The following ADAMTS14 variants were observed in gnomAD, a reference collection of about 807,000 sequenced individuals.
ADAMTS14 encodes ADAM metallopeptidase with thrombospondin type 1 motif 14.
Under a neutral mutation model 128.6 loss-of-function variants are expected in ADAMTS14, and 100 were observed. That is an observed-to-expected ratio of 0.78 (90% CI 0.66 to 0.92). The LOEUF (loss-of-function observed/expected upper bound fraction) is 0.92. Ranked by LOEUF, ADAMTS14 falls within the 40% of genes least tolerant of loss-of-function variation. The pLI, the probability that ADAMTS14 is intolerant of heterozygous loss-of-function variation, is 0.00. For missense variants in ADAMTS14, 1,562 were observed against 1,658.6 expected (o/e 0.94, Z 1.01); for synonymous variants, 665 against 653.8 (o/e 1.02, Z -0.26).
At chr10:70,686,274 C>CT (rs5785998) in intron 2 of ADAMTS14, among the ~76,000 whole-genome samples, 69,042 of 125,174 alleles carry the variant, frequency 0.55, 19,098 homozygotes, top group East Asian at 0.77. Flanking sequence ...TCAGCCTTTG[C>CT]TTTTTTTTTT....
chr10:70,716,519 C>T (rs866472366), intron 4 of ADAMTS14, among the ~76,000 whole-genome samples: 11 of 152,162 alleles, frequency 7.2e-5, no homozygotes, highest in South Asian at 6.2e-4. Flanking sequence ...AGATGGGGAC[C>T]GACAGTCTGC....
chr10:70,726,262 C>T (rs150465231), intron 4 of ADAMTS14, among the ~76,000 whole-genome samples: 317 of 152,362 alleles, frequency 2.1e-3, no homozygotes, highest in African/African-American at 7.2e-3. Flanking sequence ...GAGATGGCAG[C>T]TGTTGGAGCA....
At chr10:70,745,140 G>T in intron 14 of ADAMTS14, 86 bp from the exon 15 acceptor site, 1 of 1,231,958 alleles carries the variant, frequency 8.1e-7, no homozygotes. Context: ...GATGTTCCTG[G>T]GTGCCCAGTG....
At chr10:70,683,979 G>A (rs1487759060) in intron 2 of ADAMTS14, among the ~76,000 whole-genome samples, 1 of 152,154 alleles carries the variant, frequency 6.6e-6, no homozygotes, top group Admixed American at 6.5e-5. Flanking sequence ...AAATAACTGA[G>A]GCTGGGTAAT....
chr10:70,702,315 G>A lies in ADAMTS14; in HGVS notation c.526G>A (p.Gly176Ser). ...CTGCTTGCCGTCCCTGGTTCAGGCGGGCCTCATCCGCACAGACAGCACCGA... is the reference window on the plus strand; with the variant it reads ...CTGCTTGCCGTCCCTGGTTCAGGCGAGCCTCATCCGCACAGACAGCACCGA... ...VAISNCDGLAGLIRTDSTDFF... is the reference protein window; with the variant it reads ...VAISNCDGLASLIRTDSTDFF... Residue 176 changes from glycine to serine, a missense_variant, in exon 3 of 22, where the codon GGC becomes AGC. Physicochemically the swap from Gly to Ser is moderately conservative, Grantham distance 56. Transcript: ENST00000373207. The A allele has an allele frequency of 6.2e-7, 1 of 1,614,148 alleles. No individual in the cohort carries two copies. The highest frequency in any genetic ancestry group is 2.2e-5 in the East Asian group (1 of 44,884).
chr10:70,744,120 G>T lies in ADAMTS14; in HGVS notation c.2113G>T (p.Val705Phe), dbSNP rs1371107367. 1.3e-6 allele frequency: 2 copies of T among 1,562,682 alleles called. No individual in the cohort carries two copies. Among genetic ancestry groups the T allele is most frequent in the East Asian group, 2.4e-5 (1 of 41,720 alleles). ...GSMKADDKCG[V>F]CGGDNSHCRT... ...CATGAAGGCGGATGACAAGTGTGGA[G>T]TCTGCGGGGGTGACAACTCCCACTG... The change falls in exon 14 of 22, where the codon GTC (valine) becomes TTC (phenylalanine). Residue 705 changes from valine to phenylalanine, a missense_variant. By Grantham distance (50) the Val-to-Phe change is conservative. Coordinates refer to ENST00000373207, the MANE Select transcript of ADAMTS14 (RefSeq NM_080722.4).
At position 70,743,368 on chromosome 10, in the gene ADAMTS14, C is replaced by G. The variant is rs183539900; in HGVS notation, c.1925-180C>G. Reference sequence around the variant, plus strand: ...GGCTGGGAGAGGTCAGAGCATTTACCCAAGGTCACATGGCTAATAAGTGAC... The same window carrying G: ...GGCTGGGAGAGGTCAGAGCATTTACGCAAGGTCACATGGCTAATAAGTGAC... On this transcript the variant is annotated intron_variant, in intron 12 of 21. Coordinates refer to ENST00000373207, the MANE Select transcript of ADAMTS14 (RefSeq NM_080722.4). Among the ~76,000 whole-genome samples the G allele has an allele frequency of 2.4e-3, 365 of 152,194 alleles. 2 individuals are homozygous for G. Among genetic ancestry groups the G allele is most frequent in the Middle Eastern group, 3.4e-3 (1 of 294 alleles).
intron 4 of ADAMTS14, among the ~76,000 whole-genome samples, chr10:70,716,287 G>A (rs1040972947): frequency 1.3e-5 from 2 of 152,218 alleles, no homozygotes; most frequent in African/African-American, 2.4e-5. Flanking sequence ...AAGGGCCTGC[G>A]ATGGGTGAGG....
intron 21 of ADAMTS14, among the ~76,000 whole-genome samples, chr10:70,759,461 T>C (rs1386450402): frequency 6.6e-6 from 1 of 152,184 alleles, no homozygotes; most frequent in Non-Finnish European, 1.5e-5. Context: ...TGTGATATTT[T>C]GGGCAAAGCA....
At position 70,754,777 on chromosome 10, in the gene ADAMTS14, G is replaced by A. The variant is rs894830780; in HGVS notation, c.2937+770G>A. Among the ~76,000 whole-genome samples the A allele has an allele frequency of 2.0e-5, 3 of 152,204 alleles. No individual in the cohort carries two copies. The South Asian group carries it at 6.2e-4, about 32-fold the overall frequency. On this transcript the variant is annotated intron_variant, in intron 19 of 21. Transcript: ENST00000373207. ...TGGGCATTACAAGCTCTGATTTCAG[G>A]TTGTAAAGATCACTCTGACGGTGCT... is the stretch of plus-strand genomic sequence containing the variant.
chr10:70,678,460 G>A (rs1216797848), intron 2 of ADAMTS14, among the ~76,000 whole-genome samples: 1 of 150,852 alleles, frequency 6.6e-6, no homozygotes, highest in Non-Finnish European at 1.5e-5. Context: ...TGAAGGATGA[G>A]TAGAAGTTTG....
chr10:70,675,140 C>A, intron 2 of ADAMTS14, 145 bp downstream of exon 2: 1 of 998,808 alleles, frequency 1.0e-6, no homozygotes, highest in African/African-American at 1.6e-5. Context: ...CCTGCCCCCG[C>A]GGGCCACTAG....
At position 70,696,718 on chromosome 10, in the gene ADAMTS14, C is replaced by A. The variant is rs113285644; in HGVS notation, c.523-5594C>A. On this transcript the variant is annotated intron_variant, in intron 2 of 21. Transcript: ENST00000373207. ...CGATGAAGTTTAATAATAACTGGAG[C>A]CAAGTGCTAGGGTTAGGTGAGCAGG... 2.6e-3 allele frequency among the ~76,000 whole-genome samples: 392 copies of A among 152,184 alleles called. 2 individuals carry two copies. The highest frequency in any genetic ancestry group is 9.0e-3 in the African/African-American group (375 of 41,494).
intron 2 of ADAMTS14, among the ~76,000 whole-genome samples, chr10:70,699,089 G>C (rs1050895808): frequency 1.3e-5 from 2 of 152,156 alleles, no homozygotes; most frequent in South Asian, 2.1e-4. Flanking sequence ...CAGAGGCCCA[G>C]GGATTTGCAG....
chr10:70,741,149 C>T lies in ADAMTS14; in HGVS notation c.1911C>T (p.Tyr637=), dbSNP rs762790450. ...ATGCCAAGCACAGCTGGGTGCCCTA[C>T]GAGCCTGACGATGGTGAGTGGGCCC... ...HQNAKHSWVP[Y]EPDDDAQKCE... The change falls in exon 12 of 22, where the codon TAC becomes TAT. Residue 637 remains tyrosine (Y), a synonymous_variant. Transcript: ENST00000373207. 1.7e-5 allele frequency: 27 copies of T among 1,612,864 alleles called. No homozygotes were observed. In the East Asian group the frequency reaches 2.2e-4, roughly 13 times the overall value.
At chr10:70,723,011 G>A (rs527680176) in intron 4 of ADAMTS14, among the ~76,000 whole-genome samples, 133 of 152,278 alleles carry the variant, frequency 8.7e-4, no homozygotes, top group African/African-American at 3.2e-3. Flanking sequence ...GAAGAAACCT[G>A]ACAAACACTC....
In ADAMTS14 at chr10:70,672,721, C is replaced by A; in HGVS notation, c.-82C>A. ...GCAGCCAGCCGGTGCTCCGACAGCCCGGGGCGCACCCTAGCCTCGCCGCCC... is the reference window on the plus strand; with the variant it reads ...GCAGCCAGCCGGTGCTCCGACAGCCAGGGGCGCACCCTAGCCTCGCCGCCC... On this transcript the variant is annotated 5_prime_UTR_variant, in exon 1 of 22. Coordinates refer to ENST00000373207, the MANE Select transcript of ADAMTS14 (RefSeq NM_080722.4). The A allele has an allele frequency of 2.2e-6, 3 of 1,379,694 alleles. No homozygotes were observed. Among genetic ancestry groups the A allele is most frequent in the African/African-American group, 1.5e-5 (1 of 66,246 alleles). 85.5% of individuals were successfully genotyped at this position (1,379,694 alleles called of 1,614,324 possible).
At chr10:70,726,401 C>T (rs1202070460) in intron 4 of ADAMTS14, among the ~76,000 whole-genome samples, 1 of 152,242 alleles carries the variant, frequency 6.6e-6, no homozygotes, top group African/African-American at 2.4e-5. Context: ...AGGAAGGCAG[C>T]AGCCCTGGGC....
At chr10:70,704,451 C>T (rs540937919) in intron 3 of ADAMTS14, among the ~76,000 whole-genome samples, 16 of 151,890 alleles carry the variant, frequency 1.1e-4, no homozygotes, top group Non-Finnish European at 2.9e-5. Context: ...CACACTCACA[C>T]GTGGACACAT....
Sources: gnomAD v4.1 joint callset for allele counts (sites outside exome capture counted in the v4.1 genomes callset) on GRCh38, gnomAD v4.1.1 for gene constraint, MANE v1.5 for transcripts, NCBI Gene and HGNC (gene_info 2026-07-23, HGNC 2026-07-21) for gene names.